The following CLTCL1 variants were observed in gnomAD, a reference collection of about 807,000 sequenced individuals.
CLTCL1 encodes clathrin heavy chain like 1.
A neutral mutation model predicts 190.0 loss-of-function variants in CLTCL1; 159 were observed. The ratio of observed to expected loss-of-function variants is 0.84; its 90% CI spans 0.74 to 0.95. CLTCL1 has a LOEUF of 0.95. Among genes scored for constraint, CLTCL1 ranks in the 40% least tolerant of loss-of-function variants. The pLI is 0.00. For missense variants in CLTCL1, 1,878 were observed against 2,033.4 expected (o/e 0.92, Z 1.47); for synonymous variants, 752 against 769.6 (o/e 0.98, Z 0.38).
chr22:19,250,667 C>T (rs2086567013), intron 3 of CLTCL1, among the ~76,000 whole-genome samples: 1 of 152,128 alleles, frequency 6.6e-6, no homozygotes, highest in South Asian at 2.1e-4. Context: ...AATTCTCCCA[C>T]CTCAGCCTCC....
chr22:19,218,187 C>T (rs1261005541), intron 18 of CLTCL1, among the ~76,000 whole-genome samples: 6 of 152,182 alleles, frequency 3.9e-5, no homozygotes, highest in South Asian at 4.1e-4. Context: ...AAGAGGCCCC[C>T]GCTGGCTCCG....
intron 19 of CLTCL1, among the ~76,000 whole-genome samples, chr22:19,212,484 C>T (rs890277097): frequency 6.6e-6 from 1 of 151,638 alleles, no homozygotes; most frequent in Non-Finnish European, 1.5e-5. Context: ...CTGCTTCAGC[C>T]TAGGAGGTTG....
chr22:19,230,294 C>T (rs1265554988), intron 10 of CLTCL1, among the ~76,000 whole-genome samples: 1 of 151,928 alleles, frequency 6.6e-6, no homozygotes, highest in Non-Finnish European at 1.5e-5. Context: ...AGTAGAGACA[C>T]GGTTTCACCA....
rs1555971424 is a variant in CLTCL1, at chr22:19,254,134, G to C, written c.344C>G (p.Ser115Cys). 6.2e-7 allele frequency: 1 copy of C among 1,613,680 alleles called. No homozygotes were observed. Among genetic ancestry groups the C allele is most frequent in the Non-Finnish European group, 8.5e-7 (1 of 1,179,792 alleles). The change falls in exon 3 of 33, where the codon TCT becomes TGT. Residue 115 changes from serine to cysteine, a missense_variant. Ser to Cys is a moderately radical substitution (Grantham distance 112). Transcript: ENST00000427926. ...AEEVIFWKWV[S>C]VNTVALVTET... ...GGTCACCAAGGCAACAGTGTTCACA[G>C]AAACCCATTTCCAGAAAATCACTTC... is the stretch of plus-strand genomic sequence containing the variant.
At chr22:19,246,762 G>A (rs2086433016) in intron 3 of CLTCL1, among the ~76,000 whole-genome samples, 1 of 152,202 alleles carries the variant, frequency 6.6e-6, no homozygotes, top group Non-Finnish European at 1.5e-5. Flanking sequence ...TCGAGTGGGT[G>A]TAAAGTGGTA....
At chr22:19,239,235 T>A in intron 5 of CLTCL1, 40 bp downstream of exon 5, 1 of 1,489,016 alleles carries the variant, frequency 6.7e-7, no homozygotes, top group Non-Finnish European at 9.4e-7. Context: ...TAGAGTAGAT[T>A]TTAGGACATG....
chr22:19,273,998 C>G (rs2087412106), intron 2 of CLTCL1, among the ~76,000 whole-genome samples: 1 of 152,096 alleles, frequency 6.6e-6, no homozygotes, highest in Non-Finnish European at 1.5e-5. Context: ...TCCCCGACTC[C>G]ACACCACAAC....
chr22:19,208,551 G>T (rs2085120854), intron 21 of CLTCL1, among the ~76,000 whole-genome samples: 1 of 152,134 alleles, frequency 6.6e-6, no homozygotes, highest in Admixed American at 6.6e-5. Context: ...AAAAGACTTT[G>T]CCAGGAGACA....
chr22:19,211,010 G>C (rs1555946436), intron 19 of CLTCL1, among the ~76,000 whole-genome samples: 3 of 152,082 alleles, frequency 2.0e-5, no homozygotes, highest in African/African-American at 7.2e-5. Flanking sequence ...TGGGATTACA[G>C]GTGTGAGCCA....
chr22:19,196,635 G>C lies in CLTCL1; in HGVS notation c.3895C>G (p.Leu1299Val), dbSNP rs200600002. Residue 1299 changes from leucine to valine, a missense_variant, in exon 25 of 33, where the codon CTG (leucine) becomes GTG (valine). Transcript: ENST00000427926. ...AGGGCCGCTTCCAACAGCAAGATCA[G>C]CTCCTCAAAGTAGCCACGATCCTAG... ...YYQDRGYFEE[L>V]ILLLEAALGL... The C allele has an allele frequency of 5.3e-5, 85 of 1,613,270 alleles. No individual in the cohort carries two copies. In the African/African-American group the frequency reaches 1.1e-3, roughly 21 times the overall value.
rs2087609850 is a variant in CLTCL1, at chr22:19,278,957, G to A, written c.43-3127C>T. On this transcript the variant is annotated intron_variant, in intron 1 of 32. Coordinates refer to ENST00000427926, the MANE Select transcript of CLTCL1 (RefSeq NM_007098.4). ...GGGTTTCACCATGTTGGCCAGGCTG[G>A]TCTCGAACTCCTGACTTGTGGTGAT... Among the ~76,000 whole-genome samples, 2 of 152,106 alleles carry A rather than the reference G, an allele frequency of 1.3e-5. 1 individual carries two copies. Among genetic ancestry groups the A allele is most frequent in the South Asian group, 4.1e-4 (2 of 4,826 alleles).
chr22:19,192,051 G>A (rs1172465216), intron 26 of CLTCL1, among the ~76,000 whole-genome samples: 1 of 150,930 alleles, frequency 6.6e-6, no homozygotes, highest in Middle Eastern at 3.2e-3. Context: ...TTCTCTTGCT[G>A]GGCGATGTCA....
At position 19,216,107 on chromosome 22, in the gene CLTCL1, T is replaced by A. The variant is rs2085377584; in HGVS notation, c.3065+4A>T. 6.2e-7 allele frequency: 1 copy of A among 1,613,414 alleles called. No homozygotes were observed. Among genetic ancestry groups the A allele is most frequent in the Admixed American group, 1.7e-5 (1 of 59,964 alleles). The stretch of plus-strand genomic sequence containing the variant: ...GTCCACAGCTACCCCTGGCATAGCC[T>A]CACCTGTGCTCGCTGAAGACAGAGT... On this transcript the variant is annotated splice_donor_region_variant and intron_variant, in intron 19 of 32. Transcript: ENST00000427926.
At chr22:19,237,173 G>A (rs1280802603) in intron 5 of CLTCL1, among the ~76,000 whole-genome samples, 2 of 151,966 alleles carry the variant, frequency 1.3e-5, no homozygotes, top group Non-Finnish European at 2.9e-5. Context: ...AAGCTCTTAC[G>A]AATAAGGTAA....
rs143267088 is a variant in CLTCL1 at position 19,268,233 on chromosome 22, G to A, written c.250+7390C>T. Among the ~76,000 whole-genome samples the A allele has an allele frequency of 2.9e-3, 446 of 152,300 alleles. 2 individuals are homozygous for A. Among genetic ancestry groups the A allele is most frequent in the African/African-American group, 9.5e-3 (395 of 41,572 alleles). On this transcript the variant is annotated intron_variant, in intron 2 of 32. Transcript: ENST00000427926. The stretch of plus-strand genomic sequence containing the variant: ...AGGATGCAGCAACAGGGGCCATCTT[G>A]GAAGTGGAGTGTGAACCCTTAACAG...
At chr22:19,248,441 C>T (rs576866845) in intron 3 of CLTCL1, among the ~76,000 whole-genome samples, 1 of 152,286 alleles carries the variant, frequency 6.6e-6, no homozygotes, top group African/African-American at 2.4e-5. Flanking sequence ...TGGTTTAAAG[C>T]ATACCATCCA....
intron 3 of CLTCL1, among the ~76,000 whole-genome samples, chr22:19,249,604 G>T (rs1327504875): frequency 1.3e-5 from 2 of 151,866 alleles, no homozygotes; most frequent in Non-Finnish European, 2.9e-5. Context: ...GCTGAGATAG[G>T]AGAATCACTT....
intron 1 of CLTCL1, among the ~76,000 whole-genome samples, chr22:19,285,091 C>T (rs1238118124): frequency 2.0e-5 from 3 of 152,194 alleles, no homozygotes; most frequent in South Asian, 2.1e-4. Flanking sequence ...CTTGCTAACA[C>T]GGTGAAACCC....
rs1569158904 is a variant in CLTCL1, at chr22:19,198,024, A to C, written c.3874-1368T>G. ...GCTGCCTACATGATGCCCCCACCTG[A>C]ACATCCAGCGGGCAGCTCAAGACTT... On this transcript the variant is annotated intron_variant, in intron 24 of 32. Coordinates refer to ENST00000427926, the MANE Select transcript of CLTCL1 (RefSeq NM_007098.4). This position sits in a 1 kb window ranked among gnomAD's most constrained non-coding sequence, Gnocchi z 4.1. Among the ~76,000 whole-genome samples, 2 of 152,134 alleles carry C rather than the reference A, an allele frequency of 1.3e-5. No homozygotes were observed. Among genetic ancestry groups the C allele is most frequent in the Non-Finnish European group, 2.9e-5 (2 of 68,020 alleles).
Sources: gnomAD v4.1 joint callset for allele counts (sites outside exome capture counted in the v4.1 genomes callset) on GRCh38, gnomAD v4.1.1 for gene constraint, Gnocchi (gnomAD v3.1) non-coding constraint, MANE v1.5 for transcripts, NCBI Gene and HGNC (gene_info 2026-07-23, HGNC 2026-07-21) for gene names.